PPARGC1A: variants seen among roughly 807,000 people sequenced by gnomAD.
The protein encoded by PPARGC1A is PPARG coactivator 1 alpha.
A neutral mutation model predicts 88.7 loss-of-function variants in PPARGC1A; 25 were observed. The observed-to-expected ratio is 0.28, with a 90% CI of 0.21 to 0.39. The LOEUF is 0.39. Among genes scored for constraint, PPARGC1A ranks in the 10% least tolerant of loss-of-function variants. The pLI is 1.00. For synonymous variants in PPARGC1A, 363 were observed against 355.6 expected (o/e 1.02, Z -0.24); for missense variants, 880 against 968.7 (o/e 0.91, Z 1.22).
chr4:23,961,032 G>T, the PPARGC1A span, among the ~76,000 whole-genome samples: 1 of 152,196 alleles, frequency 6.6e-6, no homozygotes, highest in Admixed American at 6.5e-5. Flanking sequence ...AAAGAAGATG[G>T]CTAAGAGAAT....
the PPARGC1A span, among the ~76,000 whole-genome samples, chr4:23,936,739 T>A: frequency 6.6e-6 from 1 of 152,036 alleles, no homozygotes. Flanking sequence ...GGCGTCTTGG[T>A]GCGTGCCTGT....
At chr4:24,261,509 A>T in the PPARGC1A span, among the ~76,000 whole-genome samples, 5 of 152,130 alleles carry the variant, frequency 3.3e-5, no homozygotes, top group East Asian at 9.7e-4. Context: ...CAGGCAGACT[A>T]CCTGCTTTAT....
At chr4:24,125,087 G>C in the PPARGC1A span, among the ~76,000 whole-genome samples, 1 of 152,142 alleles carries the variant, frequency 6.6e-6, no homozygotes, top group East Asian at 1.9e-4. Flanking sequence ...AGAGCCTGCA[G>C]TTGAGAGTAG....
At chr4:24,154,885 G>A in the PPARGC1A span, among the ~76,000 whole-genome samples, 1 of 152,306 alleles carries the variant, frequency 6.6e-6, no homozygotes, top group African/African-American at 2.4e-5. Flanking sequence ...ACAGGTAAGG[G>A]CATTGTGGAA....
chr4:23,805,723 G>A (rs930725952), intron 10 of PPARGC1A, among the ~76,000 whole-genome samples: 6 of 152,168 alleles, frequency 3.9e-5, no homozygotes, highest in Middle Eastern at 3.4e-3. Context: ...CTGCTTTCAC[G>A]GGTGTTAAGG....
chr4:23,933,563 G>A, the PPARGC1A span, among the ~76,000 whole-genome samples: 1 of 152,166 alleles, frequency 6.6e-6, no homozygotes, highest in Admixed American at 6.5e-5. Flanking sequence ...AAAGAAGAAA[G>A]GAAACATGAT....
chr4:23,846,932 A>T (rs1022794235), intron 2 of PPARGC1A, among the ~76,000 whole-genome samples: 1 of 152,186 alleles, frequency 6.6e-6, no homozygotes, highest in Non-Finnish European at 1.5e-5. Flanking sequence ...AAAAGGTTTC[A>T]TACTGGGATA....
At chr4:24,169,197 A>T in the PPARGC1A span, among the ~76,000 whole-genome samples, 1 of 152,148 alleles carries the variant, frequency 6.6e-6, no homozygotes, top group African/African-American at 2.4e-5. Context: ...TCCCAGGTGA[A>T]GGACATTCTA....
rs371139148 is a variant in PPARGC1A, at chr4:23,843,446, T to C, written c.235-11695A>G. On this transcript the variant is annotated intron_variant, in intron 2 of 12. Transcript: ENST00000264867. ...GGGCTGTTTTCAGAACTGACTGAGC[T>C]AATCCATGCAAATCATATAGAACAG... Among the ~76,000 whole-genome samples the C allele has an allele frequency of 3.9e-5, 6 of 152,204 alleles. No individual in the cohort carries two copies. The South Asian group carries it at 1.2e-3, about 32-fold the overall frequency.
chr4:24,084,597 T>G, the PPARGC1A span, among the ~76,000 whole-genome samples: 2 of 152,214 alleles, frequency 1.3e-5, no homozygotes, highest in Non-Finnish European at 2.9e-5. Context: ...TTAGGTTATC[T>G]GTCTTCAGCC....
the PPARGC1A span, among the ~76,000 whole-genome samples, chr4:23,976,788 G>T: frequency 6.6e-6 from 1 of 152,306 alleles, no homozygotes; most frequent in South Asian, 2.1e-4. Context: ...AGCCCACCCT[G>T]CTGGCACCTT....
At chr4:24,178,421 T>A in the PPARGC1A span, among the ~76,000 whole-genome samples, 78 of 152,280 alleles carry the variant, frequency 5.1e-4, no homozygotes, top group Middle Eastern at 0.01. Flanking sequence ...TAAACATACA[T>A]GGGGCTACAC....
At chr4:23,883,889 T>C (rs1409187268) in intron 2 of PPARGC1A, 1 of 152,120 alleles carries the variant, frequency 6.6e-6, no homozygotes, top group African/African-American at 2.4e-5. Context: ...ATAAGAAAAG[T>C]CCAGCACATA....
chr4:23,923,457 G>A, the PPARGC1A span, among the ~76,000 whole-genome samples: 1 of 152,038 alleles, frequency 6.6e-6, no homozygotes, highest in Non-Finnish European at 1.5e-5. Context: ...TTACTGTCCA[G>A]TGACAGCATG....
At chr4:24,061,203 A>T in the PPARGC1A span, among the ~76,000 whole-genome samples, 1 of 152,190 alleles carries the variant, frequency 6.6e-6, no homozygotes, top group South Asian at 2.1e-4. Flanking sequence ...CTTCCTCTGC[A>T]AACGGATCCA....
At chr4:24,135,478 AC>A in the PPARGC1A span, among the ~76,000 whole-genome samples, 1 of 151,684 alleles carries the variant, frequency 6.6e-6, no homozygotes, top group Admixed American at 6.6e-5. Context: ...TCCTGTGACA[AC>A]TCTTTGGCAT....
the PPARGC1A span, among the ~76,000 whole-genome samples, chr4:23,975,439 A>C: frequency 1.3e-5 from 2 of 151,304 alleles, no homozygotes; most frequent in Admixed American, 1.3e-4. Context: ...TTTTCCTGAG[A>C]CAGAGTCTTG....
upstream of PPARGC1A, among the ~76,000 whole-genome samples, chr4:23,907,454 T>A (rs1442657564): frequency 6.6e-6 from 1 of 152,232 alleles, no homozygotes; most frequent in Admixed American, 6.5e-5. Flanking sequence ...CTCAGTCACA[T>A]GCAGAATACG....
the PPARGC1A span, among the ~76,000 whole-genome samples, chr4:24,066,149 C>G: frequency 1.3e-5 from 2 of 152,134 alleles, no homozygotes; most frequent in East Asian, 3.9e-4. Context: ...CAGGTGTCCT[C>G]TAACACTCAT....
Sources: allele counts gnomAD v4.1 joint callset (sites outside exome capture counted in the v4.1 genomes callset), GRCh38; gene constraint gnomAD v4.1.1; transcripts MANE v1.5; gene names NCBI Gene and HGNC (gene_info 2026-07-23, HGNC 2026-07-21).